HK1: variants seen among roughly 807,000 people sequenced by gnomAD.
The protein encoded by HK1 is hexokinase 1.
In HK1, 28 loss-of-function variants were observed where a neutral mutation model predicts 91.6. The ratio of observed to expected loss-of-function variants is 0.31; its 90% confidence interval spans 0.23 to 0.42. The LOEUF (loss-of-function observed/expected upper bound fraction) is 0.42. HK1 is among the 10% of genes least tolerant of loss of function. HK1 has a pLI of 1.00. For missense variants in HK1, 770 were observed against 1,219.8 expected (o/e 0.63, Z 5.49); for synonymous variants, 430 against 468.1 (o/e 0.92, Z 1.05).
Position 69,369,162 on chromosome 10 carries a change from G to A in HK1, c.592-75G>A. 8.9e-7 allele frequency: 1 copy of A among 1,120,650 alleles called. No individual in the cohort carries two copies. Among genetic ancestry groups the A allele is most frequent in the East Asian group, 2.4e-5 (1 of 42,312 alleles). The allele number at this position is 1,120,650 out of a possible 1,614,324, so 69.4% of individuals were successfully genotyped here. On this transcript the variant is annotated intron_variant, in intron 5 of 17. Transcript: ENST00000359426. This position sits in a 1 kb window ranked among gnomAD's most constrained non-coding sequence, Gnocchi z 4.4. ...GGGTTCTGAAAACGGGAGCACTTCT[G>A]CCAAGCGCTGTTAAGGTGTGTGATC... is the stretch of plus-strand genomic sequence containing the variant.
At chr10:69,276,507 A>C (rs1844480794) in intron 1 of HK1, among the ~76,000 whole-genome samples, 1 of 151,606 alleles carries the variant, frequency 6.6e-6, no homozygotes, top group Non-Finnish European at 1.5e-5. Context: ...AAAAATACAA[A>C]AATTAGCCGG....
intron 7 of HK1, among the ~76,000 whole-genome samples, chr10:69,373,487 T>G (rs1400274696): frequency 6.6e-6 from 1 of 152,198 alleles, no homozygotes; most frequent in Non-Finnish European, 1.5e-5. Flanking sequence ...CGCCCTTATA[T>G]TCCAGGCCTT....
At chr10:69,327,520 T>G (rs1847453472) in intron 1 of HK1, among the ~76,000 whole-genome samples, 1 of 152,218 alleles carries the variant, frequency 6.6e-6, no homozygotes, top group Non-Finnish European at 1.5e-5. Context: ...AACAATGCCT[T>G]GGTGAACTTT....
intron 1 of HK1, among the ~76,000 whole-genome samples, chr10:69,274,459 A>C (rs1876257): frequency 0.21 from 32,527 of 151,888 alleles, 3,832 homozygotes; most frequent in Non-Finnish European, 0.26. Context: ...GTAGCTGGGC[A>C]TGGTGTCACA....
At chr10:69,398,855 G>A (rs766983713) in intron 17 of HK1, 27 bp downstream of exon 17, 29 of 1,542,596 alleles carry the variant, frequency 1.9e-5, no homozygotes, top group East Asian at 4.5e-5. Flanking sequence ...GTTGGGATGC[G>A]CAGAGCTTGC....
At chr10:69,315,802 T>A, upstream of HK1, 1 of 748,698 alleles carries the variant, frequency 1.3e-6, no homozygotes, top group South Asian at 1.4e-5. Context: ...GCATGAGGGG[T>A]TGGGGGTGGG....
intron 1 of HK1, among the ~76,000 whole-genome samples, chr10:69,271,865 T>C (rs114157060): frequency 0.017 from 2,624 of 151,078 alleles, 61 homozygotes; most frequent in African/African-American, 0.061. Flanking sequence ...TGATTTCTCT[T>C]TTTTTTTCTT....
At chr10:69,332,604 A>G (rs1847794663) in intron 1 of HK1, among the ~76,000 whole-genome samples, 2 of 151,728 alleles carry the variant, frequency 1.3e-5, no homozygotes, top group South Asian at 4.2e-4. Context: ...CTGGTCTTGA[A>G]CTGGCCAAGT....
intron 1 of HK1, among the ~76,000 whole-genome samples, chr10:69,281,219 T>A (rs1465568727): frequency 1.3e-5 from 2 of 152,200 alleles, no homozygotes; most frequent in East Asian, 3.8e-4. Flanking sequence ...TCCACCCCAA[T>A]GTTTTCCATT....
intron 1 of HK1, chr10:69,338,818 G>C: frequency 4.6e-5 from 31 of 676,036 alleles, no homozygotes; most frequent in Non-Finnish European, 6.3e-5. Context: ...GAAAAGGAAG[G>C]AGGAGAGTAA....
intron 5 of HK1, among the ~76,000 whole-genome samples, chr10:69,303,296 C>T (rs188094606): frequency 8.6e-4 from 131 of 151,712 alleles, no homozygotes; most frequent in Admixed American, 2.9e-3. Context: ...CCAGAGTTAT[C>T]TCTTTTTTTT....
intron 15 of HK1, 100 bp from the exon 16 acceptor site, chr10:69,394,850 T>C: frequency 1.7e-6 from 2 of 1,207,636 alleles, no homozygotes; most frequent in South Asian, 2.5e-5. Context: ...GATGATGCGC[T>C]TGAGGGGCAG....
chr10:69,307,602 AC>A (rs1196361899), intron 5 of HK1, among the ~76,000 whole-genome samples: 1 of 152,174 alleles, frequency 6.6e-6, no homozygotes, highest in East Asian at 1.9e-4. Context: ...TTGCTGTGTG[AC>A]CTTGAGAAAG....
rs561249126 is a variant in HK1 at position 69,280,163 on chromosome 10, C to T, written c.-390-2366C>T. 1.6e-3 allele frequency among the ~76,000 whole-genome samples: 248 copies of T among 152,146 alleles called. 11 individuals carry two copies. The South Asian group carries it at 0.049, about 30-fold the overall frequency. ...TTTAGACAGAGTCTCGCACTGTCAC[C>T]CAGGCTGGAGAGATCTCGGCTCACT... On this transcript the variant is annotated intron_variant, in intron 1 of 21. Coordinates refer to the HK1 transcript ENST00000360289.
At chr10:69,395,591 G>A (rs1453245585) in intron 16 of HK1, among the ~76,000 whole-genome samples, 1 of 152,112 alleles carries the variant, frequency 6.6e-6, no homozygotes, top group Non-Finnish European at 1.5e-5. Flanking sequence ...CAATAAATAA[G>A]TAAATTACTT....
chr10:69,309,583 T>A (rs1399262854), intron 5 of HK1, among the ~76,000 whole-genome samples: 3 of 128,542 alleles, frequency 2.3e-5, no homozygotes, highest in Non-Finnish European at 4.8e-5. Context: ...GGGCGGATCA[T>A]GAGGTCAGGA....
intron 1 of HK1, among the ~76,000 whole-genome samples, chr10:69,276,031 A>G (rs1044380939): frequency 4.2e-5 from 6 of 141,524 alleles, no homozygotes; most frequent in Non-Finnish European, 7.6e-5. Flanking sequence ...CAGAGGTTGC[A>G]GTGAGCCAAG....
At chr10:69,297,380 A>G (rs943105505) in intron 4 of HK1, among the ~76,000 whole-genome samples, 2 of 152,168 alleles carry the variant, frequency 1.3e-5, no homozygotes, top group African/African-American at 4.8e-5. Context: ...TGGCAGAGGC[A>G]GAAGAAGATC....
chr10:69,351,434 C>T (rs1199232363), intron 2 of HK1, among the ~76,000 whole-genome samples: 2 of 151,600 alleles, frequency 1.3e-5, no homozygotes, highest in Admixed American at 6.6e-5. Flanking sequence ...GCTTGAACCC[C>T]GGAGGCGGAG....
Sources: allele counts gnomAD v4.1 joint callset (sites outside exome capture counted in the v4.1 genomes callset), GRCh38; gene constraint gnomAD v4.1.1; non-coding constraint Gnocchi (gnomAD v3.1); transcripts MANE v1.5; gene names NCBI Gene and HGNC (gene_info 2026-07-23, HGNC 2026-07-21).